SHOC1: variants seen among roughly 807,000 people sequenced by gnomAD.
SHOC1 encodes the protein protein shortage in chiasmata 1 ortholog.
SHOC1 carries 136 observed loss-of-function variants against 179.2 expected under a neutral mutation model. That is an observed-to-expected ratio of 0.76 (90% confidence interval 0.66 to 0.87). The LOEUF (loss-of-function observed/expected upper bound fraction) is 0.87, where lower values mean the gene tolerates loss of function less well. SHOC1 is among the 40% of genes least tolerant of loss of function. SHOC1 has a pLI of 0.00. For synonymous variants in SHOC1, 489 were observed against 586.6 expected (o/e 0.83, Z 2.41); for missense variants, 1,538 against 1,700.8 (o/e 0.90, Z 1.68).
At chr9:111,700,184 G>A in intron 23 of SHOC1, 137 bp from the exon 24 acceptor site, 2 of 476,544 alleles carry the variant, frequency 4.2e-6, no homozygotes, top group Admixed American at 3.8e-5. Context: ...CAAATTTGTG[G>A]GGTTTTTTTT....
intron 5 of SHOC1, among the ~76,000 whole-genome samples, chr9:111,768,581 G>A (rs2131596839): frequency 6.6e-6 from 1 of 152,260 alleles, no homozygotes; most frequent in Non-Finnish European, 1.5e-5. Flanking sequence ...TTTTTTGGTG[G>A]AGTCTTTGGG....
chr9:111,787,498 A>G (rs976182074), intron 2 of SHOC1, among the ~76,000 whole-genome samples: 2 of 152,250 alleles, frequency 1.3e-5, no homozygotes, highest in Non-Finnish European at 2.9e-5. Context: ...GGTGATAGAA[A>G]TAGCAAGAGA....
At chr9:111,772,514 T>C (rs1278990572) in intron 5 of SHOC1, among the ~76,000 whole-genome samples, 2 of 152,206 alleles carry the variant, frequency 1.3e-5, no homozygotes, top group Non-Finnish European at 2.9e-5. Flanking sequence ...GAAGGATTGG[T>C]TATTTATTCC....
intron 12 of SHOC1, among the ~76,000 whole-genome samples, chr9:111,729,819 G>A (rs924306910): frequency 6.6e-6 from 1 of 151,746 alleles, no homozygotes; most frequent in African/African-American, 2.4e-5. Flanking sequence ...TTGAACCTGA[G>A]AGGCGGAGGG....
At chr9:111,794,236 G>A (rs1836545972) in intron 1 of SHOC1, among the ~76,000 whole-genome samples, 1 of 150,890 alleles carries the variant, frequency 6.6e-6, no homozygotes, top group African/African-American at 2.4e-5. Flanking sequence ...TAAGGCATCA[G>A]GAGCTTTCTG....
In SHOC1 at chr9:111,703,892, TG is replaced by T; in HGVS notation, c.2955del (p.Ile986Ter). 1 of 1,587,028 alleles carries T rather than the reference TG, an allele frequency of 6.3e-7. No individual in the cohort carries two copies. Among genetic ancestry groups the T allele is most frequent in the Non-Finnish European group, 8.6e-7 (1 of 1,159,852 alleles). ...YVVVTIDEHT[A>X]IILQDLEELN... ...CTACCTAGTTTTACCTGCAAAATTA[TG>T]GCAGTGTGTTCATCAATTGTCACCA... On this transcript the variant is annotated frameshift_variant, in exon 22 of 28. Transcript: ENST00000682961. LOFTEE classifies it high-confidence loss of function.
intron 8 of SHOC1, among the ~76,000 whole-genome samples, chr9:111,755,953 T>G (rs1273653350): frequency 6.6e-6 from 1 of 151,906 alleles, no homozygotes; most frequent in Non-Finnish European, 1.5e-5. Context: ...AGAAACCCCA[T>G]CTCTACTAAA....
chr9:111,745,010 G>A (rs1589434471), intron 10 of SHOC1, among the ~76,000 whole-genome samples: 2 of 152,258 alleles, frequency 1.3e-5, no homozygotes, highest in East Asian at 3.9e-4. Context: ...CAATAATGAT[G>A]GGGTATTGAA....
At chr9:111,751,354 T>C (rs1834576873) in intron 8 of SHOC1, among the ~76,000 whole-genome samples, 1 of 152,054 alleles carries the variant, frequency 6.6e-6, no homozygotes, top group South Asian at 2.1e-4. Flanking sequence ...ACAAACTGCT[T>C]GCCTGTTGTT....
At chr9:111,792,550 C>T (rs1836484163) in intron 1 of SHOC1, among the ~76,000 whole-genome samples, 1 of 152,058 alleles carries the variant, frequency 6.6e-6, no homozygotes, top group East Asian at 1.9e-4. Flanking sequence ...TGCAGTGACC[C>T]AAGATCACAC....
intron 8 of SHOC1, among the ~76,000 whole-genome samples, chr9:111,755,091 C>T (rs140890562): frequency 1.2e-3 from 179 of 152,286 alleles, no homozygotes; most frequent in African/African-American, 4.1e-3. Context: ...TGTTAGAAGT[C>T]CTCTGTGGCA....
chr9:111,749,112 C>G (rs1271405964), intron 8 of SHOC1, among the ~76,000 whole-genome samples: 2 of 151,422 alleles, frequency 1.3e-5, no homozygotes, highest in Non-Finnish European at 2.9e-5. Context: ...TAAGGCTCAA[C>G]TCTTGAAAAC....
intron 10 of SHOC1, among the ~76,000 whole-genome samples, chr9:111,742,105 C>G (rs10817213): frequency 0.8 from 121,225 of 152,048 alleles, 48,505 homozygotes; most frequent in East Asian, 0.92. Context: ...TCAATTGTTC[C>G]TACTTGACTG....
At chr9:111,753,196 G>A (rs145477676) in intron 8 of SHOC1, among the ~76,000 whole-genome samples, 107 of 152,214 alleles carry the variant, frequency 7.0e-4, no homozygotes, top group Admixed American at 1.5e-3. Flanking sequence ...AAAGCAATAC[G>A]CTTGCTCAGT....
chr9:111,787,596 G>A (rs575575525), intron 2 of SHOC1, among the ~76,000 whole-genome samples: 9 of 152,294 alleles, frequency 5.9e-5, no homozygotes, highest in African/African-American at 2.2e-4. Flanking sequence ...TGCTTCTTAT[G>A]GATGAGCAAA....
rs1018647133 is a variant in SHOC1 at position 111,722,614 on chromosome 9, GT to G, written c.1955-30del. Reference sequence around the variant, plus strand: ...CAAAAATAAAAGCATTAATGGCAGTGTTTTAATAAAGATGGTATGCTCTTTT... The same window carrying G: ...CAAAAATAAAAGCATTAATGGCAGTGTTTAATAAAGATGGTATGCTCTTTT... On this transcript the variant is annotated intron_variant, in intron 14 of 27. Coordinates refer to ENST00000682961, the MANE Select transcript of SHOC1 (RefSeq NM_001378211.1). 8 of 1,568,818 alleles carry G rather than the reference GT, an allele frequency of 5.1e-6. No homozygotes were observed. In the African/African-American group the frequency reaches 9.7e-5, roughly 19 times the overall value.
intron 15 of SHOC1, among the ~76,000 whole-genome samples, chr9:111,721,878 G>A (rs538375338): frequency 6.6e-5 from 10 of 152,318 alleles, no homozygotes; most frequent in Non-Finnish European, 1.2e-4. Flanking sequence ...CAGTTAGCTA[G>A]GGTAATGGTA....
intron 5 of SHOC1, among the ~76,000 whole-genome samples, chr9:111,760,717 T>C (rs1314779165): frequency 1.3e-5 from 2 of 151,728 alleles, no homozygotes; most frequent in African/African-American, 4.8e-5. Flanking sequence ...ATAAAAATAT[T>C]CAGAAAGTAT....
intron 21 of SHOC1, among the ~76,000 whole-genome samples, chr9:111,704,855 A>G (rs765423337): frequency 7.2e-5 from 11 of 152,188 alleles, no homozygotes; most frequent in Non-Finnish European, 1.5e-4. Flanking sequence ...CTCATTCTCA[A>G]TATTATCAAT....
Sources: gnomAD v4.1 joint callset for allele counts (sites outside exome capture counted in the v4.1 genomes callset) on GRCh38, gnomAD v4.1.1 for gene constraint, MANE v1.5 for transcripts, NCBI Gene and HGNC (gene_info 2026-07-23, HGNC 2026-07-21) for gene names.